NRCAM: variants seen among roughly 807,000 people sequenced by gnomAD.
NRCAM encodes the protein neuronal cell adhesion molecule.
NRCAM carries 83 observed loss-of-function variants against 156.5 expected under a neutral mutation model. That is an observed-to-expected ratio of 0.53 (90% CI 0.44 to 0.64). The LOEUF (loss-of-function observed/expected upper bound fraction) is 0.64, where lower values mean the gene tolerates loss of function less well. Among genes scored for constraint, NRCAM ranks in the 30% least tolerant of loss-of-function variants. The pLI is 0.00. For synonymous variants in NRCAM, 538 were observed against 563.9 expected, an observed-to-expected ratio of 0.95 and a Z score of 0.65; for missense variants, 1,417 against 1,597.3, an observed-to-expected ratio of 0.89 and a Z score of 1.92.
intron 2 of NRCAM, among the ~76,000 whole-genome samples, chr7:108,318,516 G>T (rs1324332654): frequency 6.6e-6 from 1 of 152,190 alleles, no homozygotes; most frequent in African/African-American, 2.4e-5. Flanking sequence ...TATCAGGAAC[G>T]TTCCACAGGG....
At chr7:108,186,893 C>T (rs574642307) in intron 20 of NRCAM, among the ~76,000 whole-genome samples, 4 of 152,308 alleles carry the variant, frequency 2.6e-5, no homozygotes, top group African/African-American at 9.6e-5. Context: ...ACAGCAAACG[C>T]TTTGCAGAGA....
chr7:108,409,774 A>C (rs1339601290), intron 1 of NRCAM, among the ~76,000 whole-genome samples: 5 of 152,236 alleles, frequency 3.3e-5, no homozygotes, highest in Non-Finnish European at 5.9e-5. Context: ...TTTCACACCC[A>C]TAGAAGCTGT....
intron 11 of NRCAM, among the ~76,000 whole-genome samples, chr7:108,216,105 G>A (rs1011050141): frequency 3.9e-5 from 6 of 152,158 alleles, no homozygotes; most frequent in African/African-American, 1.4e-4. Context: ...AGGCAGGCCT[G>A]GTGGTGACAA....
intron 15 of NRCAM, 124 bp from the exon 16 acceptor site, chr7:108,194,552 T>C: frequency 1.6e-6 from 1 of 640,984 alleles, no homozygotes; most frequent in East Asian, 2.8e-5. Flanking sequence ...CTAGAAGGAT[T>C]GTACTTTTGA....
intron 2 of NRCAM, among the ~76,000 whole-genome samples, chr7:108,391,654 A>C (rs373375391): frequency 0.19 from 28,868 of 152,108 alleles, 3,568 homozygotes; most frequent in Non-Finnish European, 0.28. Context: ...TAGTTGATGC[A>C]GTTTCTTCCT....
At chr7:108,351,713 G>C (rs1239771160) in intron 2 of NRCAM, among the ~76,000 whole-genome samples, 1 of 152,004 alleles carries the variant, frequency 6.6e-6, no homozygotes, top group Non-Finnish European at 1.5e-5. Context: ...GATTTATTAA[G>C]ATGAAACAAG....
chr7:108,397,455 A>C (rs2099780101), intron 2 of NRCAM, among the ~76,000 whole-genome samples: 1 of 152,216 alleles, frequency 6.6e-6, no homozygotes, highest in Non-Finnish European at 1.5e-5. Flanking sequence ...AGGCTGTGAG[A>C]ATGAATTTCA....
chr7:108,409,578 C>T (rs915596336), intron 1 of NRCAM, among the ~76,000 whole-genome samples: 1 of 152,208 alleles, frequency 6.6e-6, no homozygotes, highest in African/African-American at 2.4e-5. Context: ...GGCCTGAGGA[C>T]AGGTCGCTCC....
chr7:108,322,154 G>GT (rs148011849), intron 2 of NRCAM, among the ~76,000 whole-genome samples: 14 of 151,706 alleles, frequency 9.2e-5, no homozygotes, highest in Admixed American at 5.2e-4. Context: ...TAGACATTTC[G>GT]TTTTTTTTCA....
At chr7:108,166,393 G>A (rs1316386565) in intron 30 of NRCAM, among the ~76,000 whole-genome samples, 2 of 151,686 alleles carry the variant, frequency 1.3e-5, no homozygotes, top group South Asian at 2.1e-4. Context: ...GATTACAGGC[G>A]CCCACCACCA....
intron 10 of NRCAM, among the ~76,000 whole-genome samples, chr7:108,224,560 T>C (rs1417410534): frequency 6.6e-6 from 1 of 152,166 alleles, no homozygotes; most frequent in South Asian, 2.1e-4. Flanking sequence ...CCTTATCTTC[T>C]GAAGGTTTCT....
At chr7:108,386,771 G>C (rs1267717728) in intron 2 of NRCAM, among the ~76,000 whole-genome samples, 3 of 152,114 alleles carry the variant, frequency 2.0e-5, no homozygotes, top group African/African-American at 7.2e-5. Context: ...GAAAATGAAT[G>C]TGGATATAGT....
intron 3 of NRCAM, among the ~76,000 whole-genome samples, chr7:108,276,480 T>C (rs1248414181): frequency 6.6e-6 from 1 of 152,208 alleles, no homozygotes; most frequent in Non-Finnish European, 1.5e-5. Flanking sequence ...CCCTTTACCA[T>C]TATGTAATGG....
At chr7:108,153,953 T>C (rs1240219819) in intron 32 of NRCAM, among the ~76,000 whole-genome samples, 2 of 152,162 alleles carry the variant, frequency 1.3e-5, no homozygotes, top group African/African-American at 2.4e-5. Flanking sequence ...TCTACATCCA[T>C]GGATAGAAGA....
rs185119479 is a variant in NRCAM at position 108,389,147 on chromosome 7, G to T, written c.-174+10289C>A. ...GGCATTGAATCTATAAATTACCTTG[G>T]GCAGTATGGCCATTTTCACGATATT... On this transcript the variant is annotated intron_variant, in intron 2 of 32. Transcript: ENST00000379028. Among the ~76,000 whole-genome samples, 879 of 152,182 alleles carry T rather than the reference G, an allele frequency of 5.8e-3. 12 individuals are homozygous for T. The highest frequency in any genetic ancestry group is 0.02 in the African/African-American group (849 of 41,502).
At chr7:108,181,294 T>TA (rs1276007989) in intron 24 of NRCAM, among the ~76,000 whole-genome samples, 1 of 151,966 alleles carries the variant, frequency 6.6e-6, no homozygotes, top group Non-Finnish European at 1.5e-5. Flanking sequence ...TGCCTATCAG[T>TA]AAAAAATATG....
At chr7:108,345,855 C>T (rs534500399) in intron 2 of NRCAM, among the ~76,000 whole-genome samples, 7 of 152,294 alleles carry the variant, frequency 4.6e-5, no homozygotes, top group African/African-American at 1.7e-4. Flanking sequence ...CTTTGTCATA[C>T]GCTGCAAGCT....
Position 108,225,631 on chromosome 7 carries a change from T to C in NRCAM, c.778+14A>G. The C allele has an allele frequency of 6.6e-7, 1 of 1,517,196 alleles. No individual in the cohort carries two copies. The highest frequency in any genetic ancestry group is 1.4e-5 in the African/African-American group (1 of 73,006). The allele number at this position is 1,517,196 out of a possible 1,614,324, so 94.0% of individuals were successfully genotyped here. A position where few individuals can be genotyped will look rare whatever the true frequency, so the allele number is the denominator to read the frequency against. On this transcript the variant is annotated intron_variant, in intron 10 of 32. Coordinates refer to ENST00000379028, the MANE Select transcript of NRCAM (RefSeq NM_001037132.4). ...ATGAAGGAGAGAATATCAGTTACAATCACCATAACTCACCACCATAAAACT... is the reference window on the plus strand; with the variant it reads ...ATGAAGGAGAGAATATCAGTTACAACCACCATAACTCACCACCATAAAACT...
chr7:108,182,583 G>A (rs557475761), intron 23 of NRCAM, 112 bp downstream of exon 23: 6 of 861,258 alleles, frequency 7.0e-6, no homozygotes, highest in South Asian at 1.6e-5. Flanking sequence ...GAGAAGTCGT[G>A]CAAAATAATT....
Sources: allele counts gnomAD v4.1 joint callset (sites outside exome capture counted in the v4.1 genomes callset), GRCh38; gene constraint gnomAD v4.1.1; transcripts MANE v1.5; gene names NCBI Gene and HGNC (gene_info 2026-07-23, HGNC 2026-07-21).